Variants in RBM27 observed in about 807,000 individuals in gnomAD.
RBM27 encodes RNA binding motif protein 27.
Under a neutral mutation model 135.3 loss-of-function variants are expected in RBM27, and 22 were observed. The observed-to-expected ratio is 0.16, with a 90% CI of 0.12 to 0.23. The LOEUF is 0.23. Among genes scored for constraint, RBM27 ranks in the 10% least tolerant of loss-of-function variants. RBM27 has a pLI of 1.00. For synonymous variants in RBM27, 481 were observed against 442.4 expected, an observed-to-expected ratio of 1.09 and a Z score of -1.10; for missense variants, 1,009 against 1,281.0, an observed-to-expected ratio of 0.79 and a Z score of 3.24.
chr5:146,237,027 G>A (rs368050544), intron 7 of RBM27, among the ~76,000 whole-genome samples: 3 of 141,084 alleles, frequency 2.1e-5, no homozygotes, highest in East Asian at 4.3e-4. Context: ...CAACCTCCGC[G>A]TCCCAGGTTC....
intron 1 of RBM27, among the ~76,000 whole-genome samples, chr5:146,213,924 G>A (rs1285410135): frequency 1.3e-5 from 2 of 152,182 alleles, no homozygotes; most frequent in Admixed American, 1.3e-4. Context: ...ATTGTGCAAG[G>A]TGTGAATTTT....
In RBM27 at chr5:146,261,681, C is replaced by G. The variant is rs769083833; in HGVS notation, c.2065C>G (p.Leu689Val). Residue 689 changes from leucine to valine, a missense_variant, in exon 13 of 21, where the codon CTG becomes GTG. By Grantham distance (32) the Leu-to-Val change is conservative (BLOSUM62 1). Transcript: ENST00000265271. ...ACTACAGTCCTCAGCACAGCTGCTC[C>G]TGCAACAACAGCAAACACTTAGTCA... The part of the protein sequence containing the change: ...PTLQSSAQLL[L>V]QQQQTLSHLS... 1 of 1,614,188 alleles carries G rather than the reference C, an allele frequency of 6.2e-7. No homozygotes were observed. Among genetic ancestry groups the G allele is most frequent in the Admixed American group, 1.7e-5 (1 of 60,012 alleles).
chr5:146,262,254 A>G (rs768993860), intron 13 of RBM27, among the ~76,000 whole-genome samples: 7 of 151,800 alleles, frequency 4.6e-5, no homozygotes, highest in Admixed American at 6.6e-5. Flanking sequence ...TATAATAACC[A>G]TCTACCACAG....
intron 5 of RBM27, among the ~76,000 whole-genome samples, chr5:146,230,391 G>C (rs1756875867): frequency 1.3e-5 from 2 of 152,162 alleles, no homozygotes; most frequent in South Asian, 4.1e-4. Flanking sequence ...TTAAATATCT[G>C]TGGAGAAGCT....
At chr5:146,282,149 G>A (rs1759386508) in intron 19 of RBM27, among the ~76,000 whole-genome samples, 1 of 151,974 alleles carries the variant, frequency 6.6e-6, no homozygotes, top group South Asian at 2.1e-4. Flanking sequence ...GGGATTATGG[G>A]CGTGTGCCAG....
At chr5:146,269,638 C>T in intron 17 of RBM27, 54 bp downstream of exon 17, 2 of 1,260,062 alleles carry the variant, frequency 1.6e-6, no homozygotes, top group Non-Finnish European at 2.1e-6. Flanking sequence ...CTGCCATGTG[C>T]TTGACACCTT....
chr5:146,229,155 G>A, intron 4 of RBM27, 118 bp downstream of exon 4: 1 of 704,860 alleles, frequency 1.4e-6, no homozygotes, highest in Non-Finnish European at 2.4e-6. Context: ...ACTCATTAAA[G>A]AAAGATGTTA....
chr5:146,244,087 C>T (rs980138489), intron 8 of RBM27, among the ~76,000 whole-genome samples: 4 of 151,988 alleles, frequency 2.6e-5, no homozygotes, highest in African/African-American at 7.2e-5. Context: ...AGAAATAAAG[C>T]ATTCATTTAG....
chr5:146,269,742 CTTTT>C (rs34783557), intron 17 of RBM27, among the ~76,000 whole-genome samples, 158 bp downstream of exon 17: 4 of 118,934 alleles, frequency 3.4e-5, no homozygotes, highest in Non-Finnish European at 5.2e-5. Context: ...ATTATAGTAC[CTTTT>C]TTTTTTTTTT....
chr5:146,250,268 G>A (rs1489599970), intron 8 of RBM27, among the ~76,000 whole-genome samples: 3 of 151,786 alleles, frequency 2.0e-5, no homozygotes, highest in Non-Finnish European at 4.4e-5. Flanking sequence ...GTGAAACCCC[G>A]TCTCTACTAA....
chr5:146,218,377 C>G (rs1390353319), intron 1 of RBM27, among the ~76,000 whole-genome samples: 1 of 152,192 alleles, frequency 6.6e-6, no homozygotes, highest in African/African-American at 2.4e-5. Context: ...CTTTTCCTTT[C>G]TGTTTCTAAC....
At chr5:146,210,387 A>C (rs927319303) in intron 1 of RBM27, among the ~76,000 whole-genome samples, 11 of 152,134 alleles carry the variant, frequency 7.2e-5, no homozygotes, top group Admixed American at 2.0e-4. Context: ...CTCCCAAATA[A>C]ATCTAGGGTT....
chr5:146,250,538 G>A (rs547261340), intron 8 of RBM27, among the ~76,000 whole-genome samples: 2 of 152,066 alleles, frequency 1.3e-5, no homozygotes, highest in East Asian at 1.9e-4. Context: ...CTCAAATGGG[G>A]TTGTCGGTGA....
chr5:146,282,304 C>G (rs1759396123), intron 19 of RBM27, among the ~76,000 whole-genome samples: 1 of 152,188 alleles, frequency 6.6e-6, no homozygotes, highest in Admixed American at 6.5e-5. Flanking sequence ...CCGCACCCAG[C>G]CTCATCCTCT....
intron 14 of RBM27, among the ~76,000 whole-genome samples, chr5:146,267,370 C>G (rs946461924): frequency 6.6e-6 from 1 of 152,080 alleles, no homozygotes; most frequent in African/African-American, 2.4e-5. Flanking sequence ...ATTGGTCTTG[C>G]TTTTGTCTTG....
intron 19 of RBM27, among the ~76,000 whole-genome samples, chr5:146,275,074 C>G (rs1759035631): frequency 6.6e-6 from 1 of 151,348 alleles, no homozygotes; most frequent in Non-Finnish European, 1.5e-5. Flanking sequence ...TTCTTAGCTC[C>G]TGGGTCGTTA....
rs1329717557 is a variant in RBM27, at chr5:146,219,024, A to G, written c.99A>G (p.Val33=). The part of the protein sequence containing the change: ...ADPSALANYV[V]ALVKKDKPEK... Reference sequence around the variant, plus strand: ...CTTCAGCCTTAGCCAACTATGTTGTAGCACTGGTCAAGAAGGACAAACCTG... The same window carrying G: ...CTTCAGCCTTAGCCAACTATGTTGTGGCACTGGTCAAGAAGGACAAACCTG... The change falls in exon 2 of 21, where the codon GTA becomes GTG. Residue 33 remains valine (V), a synonymous_variant. Coordinates refer to ENST00000265271, the MANE Select transcript of RBM27 (RefSeq NM_018989.2). 6.8e-6 allele frequency: 11 copies of G among 1,613,234 alleles called. No homozygotes were observed. The highest frequency in any genetic ancestry group is 2.2e-5 in the East Asian group (1 of 44,822).
rs1327887792 is a variant in RBM27, at chr5:146,251,706, T to C, written c.1280-5T>C. Reference sequence around the variant, plus strand: ...CCAGCTGCCCTCCTATTCTTTCCTCTATAGGACAGCCCATGTACTCTCGTG... The same window carrying C: ...CCAGCTGCCCTCCTATTCTTTCCTCCATAGGACAGCCCATGTACTCTCGTG... On this transcript the variant is annotated splice_region_variant and splice_polypyrimidine_tract_variant and intron_variant, in intron 8 of 20. Transcript: ENST00000265271. 1 of 1,605,026 alleles carries C rather than the reference T, an allele frequency of 6.2e-7. No homozygotes were observed. Among genetic ancestry groups the C allele is most frequent in the Non-Finnish European group, 8.5e-7 (1 of 1,171,718 alleles).
At chr5:146,224,161 C>T (rs1026777754) in intron 3 of RBM27, among the ~76,000 whole-genome samples, 1 of 152,124 alleles carries the variant, frequency 6.6e-6, no homozygotes, top group Non-Finnish European at 1.5e-5. Context: ...TACAAGTTAA[C>T]TTCTCTGTCT....
Sources: gnomAD v4.1 joint callset for allele counts (sites outside exome capture counted in the v4.1 genomes callset) on GRCh38, gnomAD v4.1.1 for gene constraint, MANE v1.5 for transcripts, NCBI Gene and HGNC (gene_info 2026-07-23, HGNC 2026-07-21) for gene names.